Variants in CHST9 observed in about 807,000 individuals in gnomAD.
CHST9 encodes carbohydrate sulfotransferase 9.
A neutral mutation model predicts 44.4 loss-of-function variants in CHST9; 41 were observed. The observed-to-expected ratio is 0.92, with a 90% CI of 0.72 to 1.20. The LOEUF (loss-of-function observed/expected upper bound fraction) is 1.20, where lower values mean the gene tolerates loss of function less well. CHST9 is among the 50% of genes most tolerant of loss of function. The probability of loss-of-function intolerance (pLI) is 0.00; values close to 1 mark genes in which losing one functional copy is unlikely to be tolerated. For synonymous variants in CHST9, 171 were observed against 178.4 expected, an observed-to-expected ratio of 0.96 and a Z score of 0.33; for missense variants, 504 against 516.5, an observed-to-expected ratio of 0.98 and a Z score of 0.23.
rs576381936 is a variant in CHST9 at position 26,926,034 on chromosome 18, G to A, written c.241-8684C>T. On this transcript the variant is annotated intron_variant, in intron 5 of 5. Coordinates refer to ENST00000618847, the MANE Select transcript of CHST9 (RefSeq NM_031422.6). Reference sequence around the variant, plus strand: ...GAAAGAGAAAAGATAAAATTAAGTGGAGGCAAAGGCAAAGAAAGAAAACAG... The same window carrying A: ...GAAAGAGAAAAGATAAAATTAAGTGAAGGCAAAGGCAAAGAAAGAAAACAG... Among the ~76,000 whole-genome samples, 54 of 152,284 alleles carry A rather than the reference G, an allele frequency of 3.5e-4. 1 individual carries two copies. In the South Asian group the frequency reaches 0.011, roughly 31 times the overall value.
At chr18:27,143,662 G>T (rs1199427066) in intron 1 of CHST9, among the ~76,000 whole-genome samples, 1 of 151,696 alleles carries the variant, frequency 6.6e-6, no homozygotes, top group Non-Finnish European at 1.5e-5. Flanking sequence ...CTTTAGAAAA[G>T]ATTTACAAAA....
In CHST9 at chr18:27,087,545, C is replaced by T. The variant is rs796276751; in HGVS notation, c.122-39042G>A. On this transcript the variant is annotated intron_variant, in intron 2 of 5. Transcript: ENST00000618847. The stretch of plus-strand genomic sequence containing the variant: ...TAAGGAAAGTGTACCAGGCATATTT[C>T]ACCTTAACATTGTACTAGATCCTGT... Among the ~76,000 whole-genome samples the T allele has an allele frequency of 6.6e-5, 10 of 152,232 alleles. 1 individual carries two copies. Among genetic ancestry groups the T allele is most frequent in the African/African-American group, 2.4e-4 (10 of 41,564 alleles).
At chr18:26,978,243 G>A (rs1164983092) in intron 4 of CHST9, among the ~76,000 whole-genome samples, 8 of 150,666 alleles carry the variant, frequency 5.3e-5, no homozygotes, top group African/African-American at 9.8e-5. Flanking sequence ...CAACTAACCC[G>A]TTTCTTTTCT....
chr18:27,161,068 G>A (rs2058742884), intron 1 of CHST9, among the ~76,000 whole-genome samples: 1 of 152,028 alleles, frequency 6.6e-6, no homozygotes, highest in Non-Finnish European at 1.5e-5. Flanking sequence ...CCAGCTCCTG[G>A]ATTCATTGAT....
chr18:27,058,477 A>G (rs1431345753), intron 2 of CHST9, among the ~76,000 whole-genome samples: 1 of 152,156 alleles, frequency 6.6e-6, no homozygotes, highest in African/African-American at 2.4e-5. Flanking sequence ...ATACAGCAGA[A>G]ATGATGTTTT....
intron 4 of CHST9, among the ~76,000 whole-genome samples, chr18:26,994,921 T>C (rs2056867190): frequency 6.6e-6 from 1 of 152,054 alleles, no homozygotes; most frequent in Non-Finnish European, 1.5e-5. Flanking sequence ...ACAAGTAGTA[T>C]ATAGCAGAGT....
At position 26,931,252 on chromosome 18, in the gene CHST9, A is replaced by T. The variant is rs751198801; in HGVS notation, c.240+13077T>A. Among the ~76,000 whole-genome samples, 4 of 152,128 alleles carry T rather than the reference A, an allele frequency of 2.6e-5. No homozygotes were observed. In the East Asian group the frequency reaches 5.8e-4, roughly 22 times the overall value. ...GTAATCTGCACCTTGGGAGGAACAA[A>T]CACGTCTTATTGCACCTTGCCCAGA... On this transcript the variant is annotated intron_variant, in intron 5 of 5. Transcript: ENST00000618847.
At chr18:26,973,180 G>A (rs543011738) in intron 4 of CHST9, among the ~76,000 whole-genome samples, 69 of 152,260 alleles carry the variant, frequency 4.5e-4, no homozygotes, top group African/African-American at 1.6e-3. Context: ...GGTGGTTACT[G>A]CAGTCTGCAG....
At chr18:27,120,883 C>T (rs151204232) in intron 2 of CHST9, among the ~76,000 whole-genome samples, 9 of 152,302 alleles carry the variant, frequency 5.9e-5, no homozygotes, top group South Asian at 2.1e-4. Context: ...CTCATGGAGT[C>T]ATCTCTGGTT....
At chr18:27,026,487 G>T (rs2057286621) in intron 3 of CHST9, among the ~76,000 whole-genome samples, 1 of 151,990 alleles carries the variant, frequency 6.6e-6, no homozygotes, top group Non-Finnish European at 1.5e-5. Context: ...CTTTTGAATT[G>T]TCTCCTAAGG....
chr18:27,157,598 T>C (rs376608464), intron 1 of CHST9, among the ~76,000 whole-genome samples: 13 of 152,056 alleles, frequency 8.5e-5, no homozygotes. Context: ...CGCAAAAATA[T>C]CTACTGACAA....
At chr18:27,092,789 A>G (rs1030912608) in intron 2 of CHST9, among the ~76,000 whole-genome samples, 24 of 152,090 alleles carry the variant, frequency 1.6e-4, no homozygotes, top group African/African-American at 5.6e-4. Context: ...TTCTAGTTTG[A>G]TTGCACTGTG....
At chr18:27,171,269 G>A (rs925948197) in intron 1 of CHST9, among the ~76,000 whole-genome samples, 10 of 152,138 alleles carry the variant, frequency 6.6e-5, no homozygotes, top group Non-Finnish European at 1.3e-4. Flanking sequence ...AACTAGAGGC[G>A]CAGGCAAGAG....
Position 27,163,226 on chromosome 18 carries a change from G to C in CHST9, c.-96-20321C>G, listed in dbSNP as rs1052039725. Reference sequence around the variant, plus strand: ...TGTGAGGTGTCAGTCTGCCCCTACTGGGGGGTGCCTCCCAGTTAGGCTACT... The same window carrying C: ...TGTGAGGTGTCAGTCTGCCCCTACTCGGGGGTGCCTCCCAGTTAGGCTACT... On this transcript the variant is annotated intron_variant, in intron 1 of 5. Transcript: ENST00000618847. 2.6e-5 allele frequency among the ~76,000 whole-genome samples: 4 copies of C among 152,152 alleles called. No homozygotes were observed. In the South Asian group the frequency reaches 8.3e-4, roughly 32 times the overall value.
intron 5 of CHST9, among the ~76,000 whole-genome samples, chr18:26,917,941 T>C (rs1360833850): frequency 6.6e-6 from 1 of 152,164 alleles, no homozygotes; most frequent in Non-Finnish European, 1.5e-5. Flanking sequence ...TAAGAATTTA[T>C]TATGATCATA....
chr18:27,166,287 T>G (rs12606358), intron 1 of CHST9, among the ~76,000 whole-genome samples: 2 of 152,244 alleles, frequency 1.3e-5, no homozygotes, highest in African/African-American at 4.8e-5. Context: ...AAATTTCTTA[T>G]GATCACAAAC....
chr18:27,050,535 A>G (rs1395409642), intron 2 of CHST9, among the ~76,000 whole-genome samples: 1 of 152,158 alleles, frequency 6.6e-6, no homozygotes, highest in Non-Finnish European at 1.5e-5. Context: ...ATCCTAACAT[A>G]TAAGGTGGAA....
At chr18:27,132,048 G>A (rs114244360) in intron 2 of CHST9, among the ~76,000 whole-genome samples, 303 of 152,188 alleles carry the variant, frequency 2.0e-3, no homozygotes, top group African/African-American at 6.9e-3. Context: ...TCATCCAACT[G>A]CCTTGGGGCC....
At chr18:27,072,608 G>C (rs2057852940) in intron 2 of CHST9, among the ~76,000 whole-genome samples, 1 of 152,138 alleles carries the variant, frequency 6.6e-6, no homozygotes, top group Non-Finnish European at 1.5e-5. Context: ...TCCTTGGCCA[G>C]ATGTGCAGCC....
Sources: allele counts gnomAD v4.1 joint callset (sites outside exome capture counted in the v4.1 genomes callset), GRCh38; gene constraint gnomAD v4.1.1; transcripts MANE v1.5; gene names NCBI Gene and HGNC (gene_info 2026-07-23, HGNC 2026-07-21).